ZNF521: variants seen among roughly 807,000 people sequenced by gnomAD.
ZNF521 encodes LYST-interacting protein 3.
A neutral mutation model predicts 105.5 loss-of-function variants in ZNF521; 14 were observed. That is an observed-to-expected ratio of 0.13 (90% CI 0.09 to 0.21). ZNF521 has a LOEUF of 0.21. Ranked by LOEUF, ZNF521 falls within the 10% of genes least tolerant of loss-of-function variation. The pLI is 1.00. For missense variants in ZNF521, 1,233 were observed against 1,629.7 expected (o/e 0.76, Z 4.19); for synonymous variants, 635 against 606.0 (o/e 1.05, Z -0.70).
At chr18:25,190,544 A>G (rs1205711124) in intron 5 of ZNF521, among the ~76,000 whole-genome samples, 1 of 152,164 alleles carries the variant, frequency 6.6e-6, no homozygotes, top group African/African-American at 2.4e-5. Flanking sequence ...GAACCTCAAA[A>G]TACTGGTTTT....
chr18:25,113,047 G>C (rs550644332), intron 5 of ZNF521, among the ~76,000 whole-genome samples: 8 of 142,252 alleles, frequency 5.6e-5, no homozygotes, highest in South Asian at 5.0e-4. Context: ...CACCATGCTG[G>C]CCATTCTAAT....
At chr18:25,334,488 A>G (rs1250340187) in intron 2 of ZNF521, among the ~76,000 whole-genome samples, 1 of 152,222 alleles carries the variant, frequency 6.6e-6, no homozygotes, top group African/African-American at 2.4e-5. Context: ...ATAAAATGAG[A>G]GCAATGATAA....
intron 2 of ZNF521, among the ~76,000 whole-genome samples, chr18:25,325,847 T>C (rs569620739): frequency 2.0e-4 from 30 of 152,222 alleles, no homozygotes; most frequent in Non-Finnish European, 3.5e-4. Flanking sequence ...TACTTATAAA[T>C]AGGAATGTAA....
At chr18:25,321,276 T>C (rs137991310) in intron 3 of ZNF521, among the ~76,000 whole-genome samples, 373 of 152,334 alleles carry the variant, frequency 2.4e-3, no homozygotes, top group Non-Finnish European at 4.1e-3. Context: ...TTGTAGGATA[T>C]ATTTTAAGTG....
At chr18:25,249,278 C>T (rs1305747987) in intron 3 of ZNF521, among the ~76,000 whole-genome samples, 1 of 151,848 alleles carries the variant, frequency 6.6e-6, no homozygotes, top group Non-Finnish European at 1.5e-5. Flanking sequence ...GCCTCAGCCT[C>T]CAGAGTAACT....
intron 2 of ZNF521, among the ~76,000 whole-genome samples, chr18:25,339,515 G>A (rs80255073): frequency 0.027 from 4,185 of 152,232 alleles, 209 homozygotes; most frequent in African/African-American, 0.096. Flanking sequence ...TGTTTCCACT[G>A]TTTGATCATA....
intron 4 of ZNF521, among the ~76,000 whole-genome samples, chr18:25,221,013 C>T (rs1465402176): frequency 6.6e-6 from 1 of 152,182 alleles, no homozygotes; most frequent in Non-Finnish European, 1.5e-5. Flanking sequence ...TCCCTGGAAT[C>T]ATTTATTGTA....
At chr18:25,095,147 CT>C (rs1342783798) in intron 5 of ZNF521, among the ~76,000 whole-genome samples, 1 of 152,068 alleles carries the variant, frequency 6.6e-6, no homozygotes, top group Non-Finnish European at 1.5e-5. Flanking sequence ...TTTCTTTCCC[CT>C]ATCTGGTATA....
At chr18:25,237,972 A>G (rs1907037053) in intron 3 of ZNF521, among the ~76,000 whole-genome samples, 1 of 152,262 alleles carries the variant, frequency 6.6e-6, no homozygotes, top group African/African-American at 2.4e-5. Flanking sequence ...CCTTTAGGGG[A>G]AAAAAAGTGC....
chr18:25,335,329 T>G (rs963439319), intron 2 of ZNF521, among the ~76,000 whole-genome samples: 8 of 152,188 alleles, frequency 5.3e-5, no homozygotes, highest in African/African-American at 1.9e-4. Context: ...ACTTAAGGTC[T>G]TTGGGTCTTG....
chr18:25,284,860 G>C (rs1910595913), intron 3 of ZNF521, among the ~76,000 whole-genome samples: 1 of 151,828 alleles, frequency 6.6e-6, no homozygotes, highest in African/African-American at 2.4e-5. Context: ...GTAAACAAAA[G>C]AGGTTTCTAG....
chr18:25,297,776 T>TAA (rs1911408354), intron 3 of ZNF521, among the ~76,000 whole-genome samples: 1 of 152,158 alleles, frequency 6.6e-6, no homozygotes, highest in Non-Finnish European at 1.5e-5. Context: ...ACTCTGTTTT[T>TAA]AAGGCATTCA....
In ZNF521 at chr18:25,245,925, T is replaced by C. The variant is rs371247255; in HGVS notation, c.221-18228A>G. Among the ~76,000 whole-genome samples, 99 of 152,156 alleles carry C rather than the reference T, an allele frequency of 6.5e-4. No individual in the cohort carries two copies. The East Asian group carries it at 6.6e-3, about 10-fold the overall frequency. On this transcript the variant is annotated intron_variant, in intron 3 of 7. Transcript: ENST00000361524. Reference sequence around the variant, plus strand: ...TACTCAGAAGGCTGAGGCAAGAGGATTGCTTGAGCCCACGAGTTTGAGGTT... The same window carrying C: ...TACTCAGAAGGCTGAGGCAAGAGGACTGCTTGAGCCCACGAGTTTGAGGTT...
intron 4 of ZNF521, among the ~76,000 whole-genome samples, chr18:25,218,178 T>C (rs1452057760): frequency 6.6e-6 from 1 of 152,094 alleles, no homozygotes; most frequent in Non-Finnish European, 1.5e-5. Context: ...ATGTTTCAAA[T>C]AGGAAGGGAC....
intron 3 of ZNF521, among the ~76,000 whole-genome samples, chr18:25,258,648 A>G (rs1423234173): frequency 6.6e-6 from 1 of 152,180 alleles, no homozygotes; most frequent in African/African-American, 2.4e-5. Context: ...CCGGTGAGAG[A>G]TGAGCTTGTT....
chr18:25,224,549 A>G lies in ZNF521; in HGVS notation c.3369T>C (p.Asn1123=). 1 of 1,613,886 alleles carries G rather than the reference A, an allele frequency of 6.2e-7. No individual in the cohort carries two copies. Among genetic ancestry groups the G allele is most frequent in the Non-Finnish European group, 8.5e-7 (1 of 1,179,948 alleles). ...TNRPGLGQNE[N]LSAIEGKGKV... ...TGCCTTTCCCCTCAATGGCACTCAG[A>G]TTCTCATTCTGGCCCAAGCCTGGTC... Residue 1123 remains asparagine (N), a synonymous_variant, in exon 4 of 8, where the codon AAT becomes AAC. Coordinates refer to ENST00000361524, the MANE Select transcript of ZNF521 (RefSeq NM_015461.3).
At chr18:25,136,903 G>T (rs562410408) in intron 5 of ZNF521, among the ~76,000 whole-genome samples, 6 of 152,046 alleles carry the variant, frequency 3.9e-5, no homozygotes, top group Admixed American at 6.6e-5. Context: ...TGAGTGTGCC[G>T]AATGTGGTTG....
At chr18:25,080,242 A>G (rs985666950) in intron 7 of ZNF521, among the ~76,000 whole-genome samples, 3 of 152,226 alleles carry the variant, frequency 2.0e-5, no homozygotes, top group Non-Finnish European at 4.4e-5. Context: ...TATTTTAGGC[A>G]GTTTAAAATT....
intron 4 of ZNF521, among the ~76,000 whole-genome samples, chr18:25,213,789 AAACTCTTTAAT>A (rs778141971): frequency 2.4e-4 from 36 of 152,274 alleles, no homozygotes; most frequent in Non-Finnish European, 4.7e-4. Flanking sequence ...ACAATTTATT[AAACTCTTTAAT>A]GTTTATTGAA....
Sources: allele counts gnomAD v4.1 joint callset (sites outside exome capture counted in the v4.1 genomes callset), GRCh38; gene constraint gnomAD v4.1.1; transcripts MANE v1.5; gene names NCBI Gene and HGNC (gene_info 2026-07-23, HGNC 2026-07-21).